Variants in TRIM14 observed in about 807,000 individuals in gnomAD.
TRIM14 encodes tripartite motif-containing protein 14.
Under a neutral mutation model 44.5 loss-of-function variants are expected in TRIM14, and 28 were observed. That is an observed-to-expected ratio of 0.63 (90% CI 0.47 to 0.86). The LOEUF is 0.86. Ranked by LOEUF, TRIM14 falls within the 40% of genes least tolerant of loss-of-function variation. The probability of loss-of-function intolerance (pLI) is 0.00; values close to 1 mark genes in which losing one functional copy is unlikely to be tolerated. For synonymous variants in TRIM14, 299 were observed against 269.2 expected (o/e 1.11, Z -1.08); for missense variants, 607 against 611.1 (o/e 0.99, Z 0.07).
intron 6 of TRIM14, chr9:98,076,646 A>G (rs1829605141): frequency 1.8e-5 from 7 of 393,168 alleles, no homozygotes; most frequent in Non-Finnish European, 2.3e-5. Context: ...AAGTGCAGGC[A>G]TGAGCCACCA....
chr9:98,104,359 GT>G (rs1369882392), intron 2 of TRIM14, among the ~76,000 whole-genome samples: 3 of 152,162 alleles, frequency 2.0e-5, no homozygotes, highest in Non-Finnish European at 4.4e-5. Flanking sequence ...GCTCCAAGCA[GT>G]TTTTATAGAT....
At chr9:98,101,707 A>C (rs7037233) in intron 2 of TRIM14, among the ~76,000 whole-genome samples, 25,895 of 152,234 alleles carry the variant, frequency 0.17, 2,415 homozygotes, top group Admixed American at 0.23. Context: ...GGCATGAGCC[A>C]CTGCACCTGG....
chr9:98,083,189 G>A, downstream of TRIM14: 3 of 797,620 alleles, frequency 3.8e-6, no homozygotes, highest in Non-Finnish European at 5.9e-6. Context: ...TTAGACAGCA[G>A]ATGTTTCTGG....
At chr9:98,072,478 C>G (rs1433922591) in intron 6 of TRIM14, among the ~76,000 whole-genome samples, 1 of 150,974 alleles carries the variant, frequency 6.6e-6, no homozygotes, top group Non-Finnish European at 1.5e-5. Context: ...GTTGCGCAAT[C>G]TCTGCTCACT....
Position 98,087,181 on chromosome 9 carries a change from TG to T in TRIM14, c.*288del, listed in dbSNP as rs965954445. 34 of 699,722 alleles carry T rather than the reference TG, an allele frequency of 4.9e-5. No homozygotes were observed. In the African/African-American group the frequency reaches 5.6e-4, roughly 11 times the overall value. The allele number at this position is 699,722 out of a possible 1,614,324, so 43.3% of individuals were successfully genotyped here. ...ATTCAGGATGCTGAGGGCTTACCTG[TG>T]GGGGTATCACTTTGAAGGAACTGGA... On this transcript the variant is annotated 3_prime_UTR_variant, in exon 6 of 6. Transcript: ENST00000341469.
At chr9:98,109,268 G>A (rs1826748150) in intron 2 of TRIM14, among the ~76,000 whole-genome samples, 1 of 126,022 alleles carries the variant, frequency 7.9e-6, no homozygotes, top group African/African-American at 5.4e-5. Flanking sequence ...AACAGAGGAT[G>A]AAAGGGGGAG....
chr9:98,038,197 C>T, the TRIM14 span, among the ~76,000 whole-genome samples: 9 of 152,048 alleles, frequency 5.9e-5, no homozygotes, highest in Non-Finnish European at 1.0e-4. Context: ...ATTACAGGCA[C>T]GAGCCACCAT....
At chr9:98,049,003 G>A in the TRIM14 span, among the ~76,000 whole-genome samples, 2 of 151,304 alleles carry the variant, frequency 1.3e-5, no homozygotes, top group African/African-American at 4.9e-5. Context: ...CTGGGTGACA[G>A]AGCAAGACTC....
intron 2 of TRIM14, among the ~76,000 whole-genome samples, chr9:98,106,458 C>G (rs535289343): frequency 6.6e-6 from 1 of 152,316 alleles, no homozygotes; most frequent in East Asian, 1.9e-4. Context: ...ATGGGAGTAG[C>G]CATTGCTCAG....
Position 98,095,022 on chromosome 9 carries a change from G to T in TRIM14, c.545C>A (p.Thr182Lys), listed in dbSNP as rs780781911. The change falls in exon 4 of 6, where the codon ACG (threonine) becomes AAG (lysine). Residue 182 changes from threonine (T) to lysine (K), a missense_variant. Thr to Lys is a moderately conservative substitution (Grantham distance 78). Coordinates refer to ENST00000341469, the MANE Select transcript of TRIM14 (RefSeq NM_014788.4). The surrounding 1 kb of genome is among the most constrained non-coding windows in gnomAD (Gnocchi z 4.1). ...CTGCTGCATCTCCTGCTCGGTGGCC[G>T]TGTATGCCTGTGTGGGCACACGGGG... ...PDPVQRLQAY[T>K]ATEQEMQQQM... The T allele has an allele frequency of 1.2e-6, 2 of 1,612,694 alleles. No homozygotes were observed. The highest frequency in any genetic ancestry group is 2.2e-5 in the East Asian group (1 of 44,844).
At chr9:98,080,496 T>C (rs1159969910), downstream of TRIM14, among the ~76,000 whole-genome samples, 1 of 152,278 alleles carries the variant, frequency 6.6e-6, no homozygotes, top group Non-Finnish European at 1.5e-5. Context: ...TGAATGAGGT[T>C]AGACATTCAT....
chr9:98,038,425 C>A, the TRIM14 span, among the ~76,000 whole-genome samples: 1 of 152,104 alleles, frequency 6.6e-6, no homozygotes, highest in Non-Finnish European at 1.5e-5. Context: ...ATTATCCAAG[C>A]AGAAAAAGCA....
intron 6 of TRIM14, chr9:98,076,702 C>G: frequency 3.8e-6 from 2 of 527,360 alleles, no homozygotes; most frequent in Non-Finnish European, 6.6e-6. Context: ...AGACCAGCAC[C>G]AAACGTTTGT....
the TRIM14 span, chr9:98,056,929 C>A: frequency 1.9e-6 from 3 of 1,599,750 alleles, no homozygotes; most frequent in Non-Finnish European, 1.7e-6. Flanking sequence ...GCGCATGATC[C>A]GCATGGCCAA....
downstream of TRIM14, chr9:98,083,146 G>A (rs1829965244): frequency 7.8e-6 from 10 of 1,282,546 alleles, no homozygotes; most frequent in African/African-American, 1.5e-5. Context: ...GCGGTCTCCA[G>A]GGACCTGGCT....
the TRIM14 span, among the ~76,000 whole-genome samples, chr9:98,044,824 G>A: frequency 2.0e-5 from 3 of 152,030 alleles, no homozygotes; most frequent in South Asian, 2.1e-4. Flanking sequence ...TTTAGAATGC[G>A]CCTCTGAGCT....
At chr9:98,115,403 A>T (rs1318495226) in intron 1 of TRIM14, among the ~76,000 whole-genome samples, 2 of 152,202 alleles carry the variant, frequency 1.3e-5, no homozygotes, top group Non-Finnish European at 2.9e-5. Flanking sequence ...GGTGCCCACC[A>T]CCATGCCCAG....
At chr9:98,043,211 T>C in the TRIM14 span, among the ~76,000 whole-genome samples, 2 of 150,878 alleles carry the variant, frequency 1.3e-5, no homozygotes, top group Non-Finnish European at 2.9e-5. Context: ...GGAATCTCGC[T>C]CTATTGCCCA....
At chr9:98,083,235 A>C (rs1829969422), downstream of TRIM14, among the ~76,000 whole-genome samples, 1 of 152,156 alleles carries the variant, frequency 6.6e-6, no homozygotes, top group African/African-American at 2.4e-5. Context: ...AGACAGAAAA[A>C]GATCCAGTGA....
Sources: allele counts gnomAD v4.1 joint callset (sites outside exome capture counted in the v4.1 genomes callset), GRCh38; gene constraint gnomAD v4.1.1; non-coding constraint Gnocchi (gnomAD v3.1); transcripts MANE v1.5; gene names NCBI Gene and HGNC (gene_info 2026-07-23, HGNC 2026-07-21).